MARCHF1: variants seen among roughly 807,000 people sequenced by gnomAD.
The protein encoded by MARCHF1 is membrane associated ring-CH-type finger 1.
A neutral mutation model predicts 54.2 loss-of-function variants in MARCHF1; 40 were observed. That is an observed-to-expected ratio of 0.74 (90% CI 0.57 to 0.96). The LOEUF (loss-of-function observed/expected upper bound fraction) is 0.96, where lower values mean the gene tolerates loss of function less well. MARCHF1 is among the 40% of genes least tolerant of loss of function. The probability of loss-of-function intolerance (pLI) is 0.00; values close to 1 mark genes in which losing one functional copy is unlikely to be tolerated. For missense variants in MARCHF1, 586 were observed against 656.5 expected, an observed-to-expected ratio of 0.89 and a Z score of 1.17; for synonymous variants, 236 against 236.3, an observed-to-expected ratio of 1.00 and a Z score of 0.01.
intron 1 of MARCHF1, among the ~76,000 whole-genome samples, chr4:164,302,996 A>C (rs1353232106): frequency 3.3e-5 from 5 of 152,322 alleles, no homozygotes; most frequent in Admixed American, 6.5e-5. Context: ...TCATGTTTAC[A>C]ATTATAAGAC....
At chr4:163,783,594 T>C (rs1374749858) in intron 4 of MARCHF1, among the ~76,000 whole-genome samples, 2 of 152,224 alleles carry the variant, frequency 1.3e-5, no homozygotes, top group Admixed American at 1.3e-4. Context: ...GATTTTTCCT[T>C]TTGTTTTCTT....
At chr4:163,723,408 G>T (rs990052918) in intron 4 of MARCHF1, among the ~76,000 whole-genome samples, 2 of 152,158 alleles carry the variant, frequency 1.3e-5, no homozygotes, top group Non-Finnish European at 2.9e-5. Context: ...TAGTCTGGTG[G>T]GCTTCCCTGT....
intron 1 of MARCHF1, among the ~76,000 whole-genome samples, chr4:164,248,814 A>G (rs1438991634): frequency 6.6e-6 from 1 of 151,980 alleles, no homozygotes; most frequent in African/African-American, 2.4e-5. Context: ...TCTTCCTATA[A>G]TCAGAAGGAT....
intron 1 of MARCHF1, among the ~76,000 whole-genome samples, chr4:164,151,657 T>C (rs1055145743): frequency 6.6e-6 from 1 of 152,162 alleles, no homozygotes. Context: ...CCTATTCCAC[T>C]GGAGCCACTA....
At chr4:163,595,720 G>A (rs1017037985) in intron 7 of MARCHF1, among the ~76,000 whole-genome samples, 4 of 152,010 alleles carry the variant, frequency 2.6e-5, no homozygotes, top group Non-Finnish European at 5.9e-5. Context: ...AAAGAAACAG[G>A]GAGTAGAATA....
chr4:163,975,194 TCTCA>T lies in MARCHF1; in HGVS notation c.-39+13303_-39+13306del, dbSNP rs1224266499. Among the ~76,000 whole-genome samples the T allele has an allele frequency of 4.4e-4, 49 of 111,562 alleles. No individual in the cohort carries two copies. The South Asian group carries it at 6.6e-3, about 15-fold the overall frequency. The allele number at this position is 111,562 out of a possible 152,430, so 73.2% of individuals were successfully genotyped here. ...CTCTCTCTCTCTCTCTCTCTCTCTC[TCTCA>T]CACACACACACACACACACACACAC... On this transcript the variant is annotated intron_variant, in intron 3 of 9. Transcript: ENST00000514618.
chr4:163,740,945 C>A (rs927617900), intron 4 of MARCHF1, among the ~76,000 whole-genome samples: 1 of 152,110 alleles, frequency 6.6e-6, no homozygotes, highest in East Asian at 1.9e-4. Flanking sequence ...TCAATATGGA[C>A]CTCTCCTTTC....
intron 4 of MARCHF1, among the ~76,000 whole-genome samples, chr4:163,836,687 C>G (rs1464827671): frequency 1.4e-5 from 2 of 148,042 alleles, no homozygotes; most frequent in Admixed American, 6.9e-5. Flanking sequence ...TCCATCTGGC[C>G]AAAGCTGAGT....
At chr4:163,597,587 A>G (rs1186968757) in intron 7 of MARCHF1, among the ~76,000 whole-genome samples, 1 of 152,204 alleles carries the variant, frequency 6.6e-6, no homozygotes, top group Non-Finnish European at 1.5e-5. Context: ...TGTTTTCTCT[A>G]TTTTTAAATT....
chr4:164,312,144 T>C (rs1426469657), intron 1 of MARCHF1, among the ~76,000 whole-genome samples: 1 of 152,084 alleles, frequency 6.6e-6, no homozygotes, highest in Admixed American at 6.5e-5. Context: ...CCAAGAATTC[T>C]CATGTATTCT....
At chr4:163,542,309 G>A (rs1429187418) in intron 9 of MARCHF1, among the ~76,000 whole-genome samples, 2 of 152,184 alleles carry the variant, frequency 1.3e-5, no homozygotes, top group African/African-American at 2.4e-5. Flanking sequence ...AGTGTTGACC[G>A]GACTACTTGC....
intron 3 of MARCHF1, among the ~76,000 whole-genome samples, chr4:163,939,129 T>A (rs575372388): frequency 2.0e-5 from 3 of 152,196 alleles, no homozygotes; most frequent in Non-Finnish European, 4.4e-5. Context: ...CTGAGCAGTA[T>A]ATTTCTGGCT....
intron 3 of MARCHF1, among the ~76,000 whole-genome samples, chr4:163,904,013 A>C (rs1317113198): frequency 1.3e-5 from 2 of 152,226 alleles, no homozygotes; most frequent in Non-Finnish European, 2.9e-5. Flanking sequence ...GGTTCTATTT[A>C]AAATTTCCAA....
intron 2 of MARCHF1, among the ~76,000 whole-genome samples, chr4:164,072,976 C>T (rs7689883): frequency 0.012 from 1,901 of 152,142 alleles, 40 homozygotes; most frequent in African/African-American, 0.044. Context: ...GAGAGCCTCA[C>T]GGCAACTGTT....
intron 2 of MARCHF1, among the ~76,000 whole-genome samples, chr4:164,027,544 C>CATAT (rs1753797788): frequency 6.6e-6 from 1 of 151,736 alleles, no homozygotes; most frequent in African/African-American, 2.4e-5. Flanking sequence ...ACTGGCTAGC[C>CATAT]ATATGCAGAA....
chr4:164,083,493 T>C (rs966818653), intron 2 of MARCHF1, among the ~76,000 whole-genome samples: 6 of 151,902 alleles, frequency 3.9e-5, no homozygotes, highest in African/African-American at 1.5e-4. Flanking sequence ...TGGTCCCAAT[T>C]TTTTTTTCCA....
chr4:163,684,157 CAAGGAAGTAGCA>C (rs943505024), intron 5 of MARCHF1, among the ~76,000 whole-genome samples: 1 of 152,078 alleles, frequency 6.6e-6, no homozygotes, highest in Admixed American at 6.6e-5. Context: ...TTCAGTTGGT[CAAGGAAGTAGCA>C]AAGGTTCGCC....
chr4:163,690,117 G>C (rs1469104281), intron 5 of MARCHF1, among the ~76,000 whole-genome samples: 1 of 152,200 alleles, frequency 6.6e-6, no homozygotes, highest in African/African-American at 2.4e-5. Context: ...AGGAGACACA[G>C]AGCATGAAGA....
At chr4:163,662,854 C>T (rs557576639) in intron 5 of MARCHF1, among the ~76,000 whole-genome samples, 10 of 152,018 alleles carry the variant, frequency 6.6e-5, no homozygotes, top group African/African-American at 7.2e-5. Flanking sequence ...GCCGGCATTC[C>T]GAGGCAAATA....
Sources: allele counts gnomAD v4.1 joint callset (sites outside exome capture counted in the v4.1 genomes callset), GRCh38; gene constraint gnomAD v4.1.1; transcripts MANE v1.5; gene names NCBI Gene and HGNC (gene_info 2026-07-23, HGNC 2026-07-21).